Variants in NLGN1 observed in about 807,000 individuals in gnomAD.
NLGN1 encodes neuroligin-1.
Under a neutral mutation model 65.5 loss-of-function variants are expected in NLGN1, and 12 were observed. The observed-to-expected ratio is 0.18, with a 90% CI of 0.12 to 0.30. The LOEUF is 0.30. Ranked by LOEUF, NLGN1 falls within the 10% of genes least tolerant of loss-of-function variation. The probability of loss-of-function intolerance (pLI) is 1.00; values close to 1 mark genes in which losing one functional copy is unlikely to be tolerated. For synonymous variants in NLGN1, 350 were observed against 359.5 expected (o/e 0.97, Z 0.30); for missense variants, 750 against 1,007.1 (o/e 0.74, Z 3.46).
At chr3:174,201,007 T>C (rs1734355138) in intron 4 of NLGN1, among the ~76,000 whole-genome samples, 1 of 151,874 alleles carries the variant, frequency 6.6e-6, no homozygotes, top group Admixed American at 6.6e-5. Context: ...AATGCCGAGG[T>C]AGGTGAATTG....
chr3:174,241,221 T>G (rs1279068931), intron 4 of NLGN1, among the ~76,000 whole-genome samples: 1 of 152,196 alleles, frequency 6.6e-6, no homozygotes, highest in Non-Finnish European at 1.5e-5. Context: ...TCTCTGTAAC[T>G]TTTTAAAATT....
At chr3:173,992,593 T>G (rs1399228766) in intron 4 of NLGN1, among the ~76,000 whole-genome samples, 2 of 152,180 alleles carry the variant, frequency 1.3e-5, no homozygotes, top group Non-Finnish European at 2.9e-5. Flanking sequence ...TAAAATAGGC[T>G]TATCTTTTTA....
At chr3:174,123,556 A>C (rs1489394470) in intron 4 of NLGN1, among the ~76,000 whole-genome samples, 2 of 152,024 alleles carry the variant, frequency 1.3e-5, no homozygotes, top group African/African-American at 4.8e-5. Flanking sequence ...TTTTTCTTCC[A>C]AGCAGTCATA....
intron 4 of NLGN1, among the ~76,000 whole-genome samples, chr3:174,223,553 A>AC (rs1739048778): frequency 6.6e-6 from 1 of 152,052 alleles, no homozygotes; most frequent in South Asian, 2.1e-4. Flanking sequence ...CCTGCCTTCA[A>AC]CTAACACCTG....
At chr3:174,024,692 A>G (rs1401721459) in intron 4 of NLGN1, among the ~76,000 whole-genome samples, 2 of 152,304 alleles carry the variant, frequency 1.3e-5, no homozygotes, top group Non-Finnish European at 1.5e-5. Flanking sequence ...TTGAATATTC[A>G]GTTAAAAAGT....
chr3:173,645,889 C>T (rs1758176084), intron 3 of NLGN1, among the ~76,000 whole-genome samples: 2 of 152,202 alleles, frequency 1.3e-5, no homozygotes, highest in African/African-American at 4.8e-5. Flanking sequence ...CCTCGGCCCC[C>T]ACCCAGTGAG....
intron 4 of NLGN1, among the ~76,000 whole-genome samples, chr3:173,943,772 C>T (rs374047093): frequency 1.3e-5 from 2 of 152,182 alleles, no homozygotes; most frequent in Non-Finnish European, 2.9e-5. Flanking sequence ...TTTAGGAAGC[C>T]TAACAAAGCT....
chr3:173,517,758 C>CTATT (rs1734051539), intron 2 of NLGN1, among the ~76,000 whole-genome samples: 1 of 139,728 alleles, frequency 7.2e-6, no homozygotes, highest in East Asian at 2.1e-4. Context: ...ATTTATCTAT[C>CTATT]TATCTATCTA....
intron 2 of NLGN1, among the ~76,000 whole-genome samples, chr3:173,452,202 C>CTTTTTTTTTTTT (rs572500549): frequency 6.8e-6 from 1 of 146,622 alleles, no homozygotes; most frequent in African/African-American, 2.5e-5. Context: ...TCTTGGCTTC[C>CTTTTTTTTTTTT]TTTTTTTTTT....
chr3:173,875,116 C>T (rs903817197), intron 4 of NLGN1, among the ~76,000 whole-genome samples: 1 of 152,196 alleles, frequency 6.6e-6, no homozygotes, highest in African/African-American at 2.4e-5. Flanking sequence ...TCACAAGCCT[C>T]TTCACTTCCT....
intron 4 of NLGN1, among the ~76,000 whole-genome samples, chr3:174,237,170 T>A (rs1411327261): frequency 6.6e-6 from 1 of 152,158 alleles, no homozygotes; most frequent in Non-Finnish European, 1.5e-5. Flanking sequence ...GTAAGGAATT[T>A]CAAATACTTT....
chr3:174,162,647 T>C (rs768765706), intron 4 of NLGN1, among the ~76,000 whole-genome samples: 9 of 151,820 alleles, frequency 5.9e-5, no homozygotes, highest in Non-Finnish European at 7.4e-5. Flanking sequence ...AGCTGTTGGA[T>C]TGCCCTCAAT....
At chr3:174,128,522 A>T (rs1188014326) in intron 4 of NLGN1, among the ~76,000 whole-genome samples, 1 of 152,200 alleles carries the variant, frequency 6.6e-6, no homozygotes, top group Non-Finnish European at 1.5e-5. Flanking sequence ...ACTGCCTTTG[A>T]ATATATCCAG....
At chr3:173,976,500 G>A (rs1205493788) in intron 4 of NLGN1, among the ~76,000 whole-genome samples, 1 of 152,024 alleles carries the variant, frequency 6.6e-6, no homozygotes, top group East Asian at 1.9e-4. Context: ...AATCAAGCTG[G>A]AGGTAATAGT....
intron 4 of NLGN1, among the ~76,000 whole-genome samples, chr3:173,940,526 A>G (rs1395917433): frequency 6.6e-6 from 1 of 152,232 alleles, no homozygotes; most frequent in East Asian, 1.9e-4. Context: ...ATATTTATAT[A>G]AAACTACAGA....
chr3:174,259,343 A>G (rs544646964), intron 4 of NLGN1, among the ~76,000 whole-genome samples: 2 of 151,884 alleles, frequency 1.3e-5, no homozygotes, highest in Non-Finnish European at 2.9e-5. Context: ...CTCTTTTATG[A>G]TGATCAGATT....
At chr3:173,585,338 G>T (rs1488261700) in intron 2 of NLGN1, among the ~76,000 whole-genome samples, 1 of 152,182 alleles carries the variant, frequency 6.6e-6, no homozygotes, top group Non-Finnish European at 1.5e-5. Flanking sequence ...AGAGGAGGCA[G>T]CGGTGCCTTG....
chr3:173,410,358 C>T (rs1008572340), intron 1 of NLGN1, among the ~76,000 whole-genome samples: 26 of 152,234 alleles, frequency 1.7e-4, no homozygotes, highest in Admixed American at 6.5e-5. Flanking sequence ...AGCCATTTAT[C>T]ACGTATTTCC....
intron 4 of NLGN1, among the ~76,000 whole-genome samples, chr3:173,847,887 T>A (rs568361655): frequency 9.2e-5 from 14 of 152,216 alleles, no homozygotes; most frequent in South Asian, 4.1e-4. Context: ...ATAAATAAAT[T>A]AATTAAATTA....
Sources: allele counts gnomAD v4.1 joint callset (sites outside exome capture counted in the v4.1 genomes callset), GRCh38; gene constraint gnomAD v4.1.1; transcripts MANE v1.5; gene names NCBI Gene and HGNC (gene_info 2026-07-23, HGNC 2026-07-21).